PEPD: variants seen among roughly 807,000 people sequenced by gnomAD.
PEPD encodes the protein xaa-Pro dipeptidase.
Under a neutral mutation model 60.7 loss-of-function variants are expected in PEPD, and 53 were observed. That is an observed-to-expected ratio of 0.87 (90% CI 0.70 to 1.10). The LOEUF (loss-of-function observed/expected upper bound fraction) is 1.10. Among genes scored for constraint, PEPD ranks in the 50% least tolerant of loss-of-function variants. The pLI is 0.00. For synonymous variants in PEPD, 267 were observed against 284.1 expected, an observed-to-expected ratio of 0.94 and a Z score of 0.60; for missense variants, 711 against 711.9, an observed-to-expected ratio of 1.00 and a Z score of 0.01.
chr19:33,457,075 G>A (rs952714676), intron 9 of PEPD, among the ~76,000 whole-genome samples: 1 of 147,240 alleles, frequency 6.8e-6, no homozygotes, highest in African/African-American at 2.5e-5. Flanking sequence ...GGACCATGTG[G>A]GCACAGGCAT....
chr19:33,412,741 A>C (rs560435416), intron 10 of PEPD, among the ~76,000 whole-genome samples: 4 of 152,318 alleles, frequency 2.6e-5, no homozygotes, highest in African/African-American at 9.6e-5. Context: ...CACATGTATT[A>C]TTCATGTGCC....
chr19:33,498,352 T>C (rs967538536), intron 4 of PEPD, among the ~76,000 whole-genome samples: 1 of 152,214 alleles, frequency 6.6e-6, no homozygotes, highest in Admixed American at 6.5e-5. Flanking sequence ...CTCTGTGCTG[T>C]CATTCTGTGC....
chr19:33,412,363 C>CA (rs1968797328), intron 10 of PEPD, among the ~76,000 whole-genome samples: 1 of 151,894 alleles, frequency 6.6e-6, no homozygotes, highest in African/African-American at 2.4e-5. Flanking sequence ...AAAAAAAGAG[C>CA]AAAAAAGGGG....
At chr19:33,410,895 A>G (rs1968749414) in intron 11 of PEPD, among the ~76,000 whole-genome samples, 2 of 152,178 alleles carry the variant, frequency 1.3e-5, no homozygotes, top group African/African-American at 4.8e-5. Context: ...GCCCTGGCTG[A>G]CATCTGACGT....
intron 14 of PEPD, 121 bp from the exon 15 acceptor site, chr19:33,387,602 C>A (rs988476578): frequency 1.5e-6 from 2 of 1,325,184 alleles, no homozygotes; most frequent in Non-Finnish European, 2.1e-6. Context: ...CCCTGGGAGA[C>A]GGGTGGCCTC....
chr19:33,387,689 C>G (rs770270992), intron 14 of PEPD: 12 of 771,942 alleles, frequency 1.6e-5, no homozygotes, highest in South Asian at 3.1e-5. Context: ...GCCCCTGGAG[C>G]GGGCAGGGGT....
chr19:33,489,216 C>T (rs1312514882), intron 6 of PEPD, among the ~76,000 whole-genome samples: 1 of 152,134 alleles, frequency 6.6e-6, no homozygotes, highest in African/African-American at 2.4e-5. Flanking sequence ...GGAGGCTCAG[C>T]CTGGCGCTTG....
chr19:33,470,692 TC>T (rs1415948504), intron 7 of PEPD, among the ~76,000 whole-genome samples: 2 of 152,142 alleles, frequency 1.3e-5, no homozygotes, highest in Non-Finnish European at 2.9e-5. Flanking sequence ...AAGCTACCTG[TC>T]CTTCCACCGA....
intron 4 of PEPD, among the ~76,000 whole-genome samples, chr19:33,495,209 C>A (rs1970579446): frequency 6.6e-6 from 1 of 151,968 alleles, no homozygotes; most frequent in African/African-American, 2.4e-5. Context: ...ACAAGTATTT[C>A]CTTAAAATTA....
intron 7 of PEPD, among the ~76,000 whole-genome samples, chr19:33,470,530 TTC>T (rs1438424175): frequency 6.6e-6 from 1 of 152,072 alleles, no homozygotes; most frequent in African/African-American, 2.4e-5. Context: ...GCTAAATCCC[TTC>T]TCTGTGTTCC....
chr19:33,417,269 G>C (rs556023208), intron 9 of PEPD, among the ~76,000 whole-genome samples: 1 of 152,240 alleles, frequency 6.6e-6, no homozygotes, highest in Non-Finnish European at 1.5e-5. Flanking sequence ...AGGTACTCAA[G>C]AGGTGGAGAG....
chr19:33,516,084 G>C lies in PEPD; in HGVS notation c.18-3308C>G, dbSNP rs574351296. 2.0e-5 allele frequency among the ~76,000 whole-genome samples: 3 copies of C among 151,968 alleles called. No homozygotes were observed. In the South Asian group the frequency reaches 6.3e-4, roughly 32 times the overall value. On this transcript the variant is annotated intron_variant, in intron 1 of 14. Coordinates refer to ENST00000244137, the MANE Select transcript of PEPD (RefSeq NM_000285.4). ...TGTGCAGGGCTCTGAGCATAAGAAG[G>C]GCTAGCCTGAGCCACGAGGCAAGGC...
chr19:33,387,819 C>T (rs889227733), intron 14 of PEPD, 71 bp downstream of exon 14: 1 of 1,282,898 alleles, frequency 7.8e-7, no homozygotes, highest in Non-Finnish European at 1.1e-6. Flanking sequence ...TGTCTTGGGA[C>T]TAAGGAGTCT....
intron 11 of PEPD, 44 bp downstream of exon 11, chr19:33,411,628 C>T: frequency 8.9e-7 from 1 of 1,120,612 alleles, no homozygotes; most frequent in Non-Finnish European, 1.4e-6. Context: ...CCAACCTTGG[C>T]CTGGCTGTTC....
intron 9 of PEPD, among the ~76,000 whole-genome samples, chr19:33,445,818 C>T (rs572821161): frequency 1.3e-5 from 2 of 152,196 alleles, no homozygotes; most frequent in African/African-American, 4.8e-5. Context: ...ACTCGAGTCC[C>T]ACCAGGCTCA....
intron 12 of PEPD, among the ~76,000 whole-genome samples, chr19:33,395,377 TTC>T (rs1485911935): frequency 1.3e-5 from 2 of 152,128 alleles, no homozygotes; most frequent in African/African-American, 4.8e-5. Flanking sequence ...GAGCCCCAGC[TTC>T]TCTCATGGCT....
At chr19:33,481,403 C>T (rs960900946) in intron 6 of PEPD, among the ~76,000 whole-genome samples, 5 of 52,928 alleles carry the variant, frequency 9.4e-5, no homozygotes, top group African/African-American at 5.2e-4. Context: ...CCCATCTCTA[C>T]GAAAATACAA....
intron 12 of PEPD, among the ~76,000 whole-genome samples, chr19:33,393,509 G>A (rs1030568666): frequency 3.4e-5 from 5 of 146,212 alleles, no homozygotes; most frequent in East Asian, 1.9e-4. Context: ...CTCAGCTGCC[G>A]CTGGTCAAAC....
At chr19:33,394,228 T>A (rs1176255005) in intron 12 of PEPD, among the ~76,000 whole-genome samples, 1 of 152,216 alleles carries the variant, frequency 6.6e-6, no homozygotes, top group Non-Finnish European at 1.5e-5. Context: ...CGCCCTTCTC[T>A]GGTCACCAAA....
Sources: gnomAD v4.1 joint callset for allele counts (sites outside exome capture counted in the v4.1 genomes callset) on GRCh38, gnomAD v4.1.1 for gene constraint, MANE v1.5 for transcripts, NCBI Gene and HGNC (gene_info 2026-07-23, HGNC 2026-07-21) for gene names.